The following UBASH3A variants were observed in gnomAD, a reference collection of about 807,000 sequenced individuals.
UBASH3A encodes the protein ubiquitin-associated and SH3 domain-containing protein A.
Under a neutral mutation model 73.5 loss-of-function variants are expected in UBASH3A, and 63 were observed. The observed-to-expected ratio is 0.86, with a 90% confidence interval of 0.70 to 1.06. The LOEUF (loss-of-function observed/expected upper bound fraction) is 1.06, where lower values mean the gene tolerates loss of function less well. UBASH3A is among the 50% of genes least tolerant of loss of function. UBASH3A has a pLI of 0.00. For synonymous variants in UBASH3A, 363 were observed against 351.1 expected (o/e 1.03, Z -0.38); for missense variants, 860 against 859.0 (o/e 1.00, Z -0.02).
intron 2 of UBASH3A, among the ~76,000 whole-genome samples, chr21:42,407,607 C>A (rs925421050): frequency 2.0e-5 from 3 of 152,198 alleles, no homozygotes; most frequent in Non-Finnish European, 2.9e-5. Flanking sequence ...ATTAAGATAT[C>A]ATTAGAGCAA....
Position 42,425,481 on chromosome 21 carries a change from CA to C in UBASH3A, c.1047-1215del, listed in dbSNP as rs527316236. On this transcript the variant is annotated intron_variant, in intron 7 of 14. Coordinates refer to ENST00000319294, the MANE Select transcript of UBASH3A (RefSeq NM_018961.4). The stretch of plus-strand genomic sequence containing the variant: ...TAATGTGGGGCTATGAATTGTGCCT[CA>C]CTGCTCTGAGCATGTTAATTTGAAG... 3.3e-4 allele frequency among the ~76,000 whole-genome samples: 51 copies of C among 152,322 alleles called. No individual in the cohort carries two copies. In the East Asian group the frequency reaches 9.6e-3, roughly 29 times the overall value.
At chr21:42,443,440 G>A in intron 13 of UBASH3A, 22 bp downstream of exon 13, 3 of 1,580,992 alleles carry the variant, frequency 1.9e-6, no homozygotes, top group Middle Eastern at 1.7e-4. Context: ...ACCATCCTCA[G>A]TATGAACAGC....
intron 7 of UBASH3A, among the ~76,000 whole-genome samples, chr21:42,418,865 T>C (rs2053276639): frequency 6.6e-6 from 1 of 152,218 alleles, no homozygotes; most frequent in African/African-American, 2.4e-5. Context: ...TACTGCAAAA[T>C]ACTACTTCTT....
intron 7 of UBASH3A, among the ~76,000 whole-genome samples, chr21:42,419,739 C>T (rs541050282): frequency 2.6e-5 from 4 of 152,294 alleles, no homozygotes; most frequent in South Asian, 2.1e-4. Flanking sequence ...CATAATGTTA[C>T]GAAAGTGATA....
chr21:42,410,337 T>C lies in UBASH3A; in HGVS notation c.354+729T>C, dbSNP rs573721100. The C allele has an allele frequency of 3.0e-4, 178 of 593,636 alleles. 1 individual carries two copies. The highest frequency in any genetic ancestry group is 2.9e-3 in the African/African-American group (154 of 53,830). 36.8% of individuals were successfully genotyped at this position (593,636 alleles called of 1,614,324 possible). On this transcript the variant is annotated intron_variant, in intron 3 of 14. Transcript: ENST00000319294. Reference sequence around the variant, plus strand: ...CACACCCACTTCTGCTACCGCGGCCTGGCCCCAACTCTGCTGTTGGCAAAC... The same window carrying C: ...CACACCCACTTCTGCTACCGCGGCCCGGCCCCAACTCTGCTGTTGGCAAAC...
rs574100492 is a variant in UBASH3A, at chr21:42,413,917, G to A, written c.667+394G>A. On this transcript the variant is annotated intron_variant, in intron 5 of 14. Coordinates refer to ENST00000319294, the MANE Select transcript of UBASH3A (RefSeq NM_018961.4). The surrounding 1 kb of genome is among the most constrained non-coding windows in gnomAD (Gnocchi z 4.5). ...AGACCAAGGCTACCATTGGGGTTTA[G>A]TGGAAAGGATTGTGGACTTGACGTC... Among the ~76,000 whole-genome samples the A allele has an allele frequency of 6.6e-6, 1 of 152,356 alleles. No homozygotes were observed. The highest frequency in any genetic ancestry group is 2.1e-4 in the South Asian group (1 of 4,830).
intron 2 of UBASH3A, among the ~76,000 whole-genome samples, chr21:42,408,838 G>T (rs1218626851): frequency 6.8e-6 from 1 of 148,114 alleles, no homozygotes; most frequent in East Asian, 2.0e-4. Flanking sequence ...AGCTGAGATT[G>T]TGCCACTGCA....
In UBASH3A at chr21:42,447,368, T is replaced by C; in HGVS notation, c.*174T>C. On this transcript the variant is annotated 3_prime_UTR_variant, in exon 15 of 15. Coordinates refer to ENST00000319294, the MANE Select transcript of UBASH3A (RefSeq NM_018961.4). ...TCCCTCCGGCTTTCGCCTTTGTAACTCCCATCTGTGGACCCATCGTCCACC... is the reference window on the plus strand; with the variant it reads ...TCCCTCCGGCTTTCGCCTTTGTAACCCCCATCTGTGGACCCATCGTCCACC... 4.3e-6 allele frequency: 3 copies of C among 699,786 alleles called. No homozygotes were observed. The highest frequency in any genetic ancestry group is 6.8e-6 in the Non-Finnish European group (3 of 442,554). 43.3% of individuals were successfully genotyped at this position (699,786 alleles called of 1,614,324 possible).
At chr21:42,419,664 C>T (rs1253177466) in intron 7 of UBASH3A, among the ~76,000 whole-genome samples, 3 of 152,150 alleles carry the variant, frequency 2.0e-5, no homozygotes, top group African/African-American at 7.2e-5. Context: ...CTGCCAAGTC[C>T]CAAAGTTGTT....
rs2053787308 is a variant in UBASH3A at position 42,443,406 on chromosome 21, T to G, written c.1726T>G (p.Cys576Gly). 1 of 1,610,016 alleles carries G rather than the reference T, an allele frequency of 6.2e-7. No individual in the cohort carries two copies. The highest frequency in any genetic ancestry group is 1.3e-5 in the African/African-American group (1 of 74,762). Residue 576 changes from cysteine to glycine, a missense_variant, in exon 13 of 15, where the codon TGT becomes GGT. Coordinates refer to ENST00000319294, the MANE Select transcript of UBASH3A (RefSeq NM_018961.4). ...GAGCATGGTGCAAATCGTCAACACC[T>G]GTCCACAGGACAGTAAGTGCCTCAC... ...TASMVQIVNT[C>G]PQDTGVILIV...
intron 8 of UBASH3A, among the ~76,000 whole-genome samples, chr21:42,430,088 T>C (rs1023179705): frequency 3.3e-5 from 5 of 152,042 alleles, no homozygotes; most frequent in African/African-American, 7.2e-5. Flanking sequence ...ACCCCGAGAA[T>C]GCTTTCAAGG....
chr21:42,444,042 C>T (rs1279454651), intron 13 of UBASH3A, among the ~76,000 whole-genome samples: 1 of 152,224 alleles, frequency 6.6e-6, no homozygotes, highest in African/African-American at 2.4e-5. Context: ...ATGAAGCATG[C>T]ACAGAAGCGC....
chr21:42,418,669 C>A, intron 7 of UBASH3A, 60 bp downstream of exon 7: 1 of 1,478,282 alleles, frequency 6.8e-7, no homozygotes, highest in Non-Finnish European at 9.3e-7. Flanking sequence ...TGTGAGAGTG[C>A]CCACCTGCCA....
At chr21:42,416,211 A>G (rs2053202993) in intron 5 of UBASH3A, among the ~76,000 whole-genome samples, 1 of 152,090 alleles carries the variant, frequency 6.6e-6, no homozygotes, top group Non-Finnish European at 1.5e-5. Context: ...TAGCCTGCAA[A>G]CCGATAGGCC....
intron 5 of UBASH3A, among the ~76,000 whole-genome samples, chr21:42,415,596 C>T (rs991981125): frequency 2.6e-5 from 4 of 152,188 alleles, no homozygotes; most frequent in Admixed American, 2.0e-4. Flanking sequence ...TGCACCGACA[C>T]GGCGTCTCTA....
Position 42,438,944 on chromosome 21 carries a change from A to C in UBASH3A, c.1486+1364A>C, listed in dbSNP as rs369082062. On this transcript the variant is annotated intron_variant, in intron 11 of 14. Coordinates refer to ENST00000319294, the MANE Select transcript of UBASH3A (RefSeq NM_018961.4). ...CTTGCTGGGACTTGCACATGGGGCC[A>C]CATCAGAGCCGGGGCCACGAGGGGC... 1.4e-3 allele frequency among the ~76,000 whole-genome samples: 220 copies of C among 152,182 alleles called. 1 individual carries two copies. Among genetic ancestry groups the C allele is most frequent in the South Asian group, 4.4e-3 (21 of 4,824 alleles).
chr21:42,434,336 G>A (rs1322665916), intron 9 of UBASH3A, among the ~76,000 whole-genome samples: 3 of 99,818 alleles, frequency 3.0e-5, no homozygotes, highest in Non-Finnish European at 6.7e-5. Flanking sequence ...GTGGGAGACA[G>A]TCCCAGTGAG....
Position 42,443,437 on chromosome 21 carries a change from T to C in UBASH3A, c.1738+19T>C. ...CAGGACAGTAAGTGCCTCACCATCC[T>C]CAGTATGAACAGCCCCTGGGGCTTG... On this transcript the variant is annotated intron_variant, in intron 13 of 14. Coordinates refer to ENST00000319294, the MANE Select transcript of UBASH3A (RefSeq NM_018961.4). 2 of 1,586,434 alleles carry C rather than the reference T, an allele frequency of 1.3e-6. No individual in the cohort carries two copies. Among genetic ancestry groups the C allele is most frequent in the Non-Finnish European group, 1.7e-6 (2 of 1,165,716 alleles).
chr21:42,406,854 C>T (rs1384384960), intron 2 of UBASH3A, among the ~76,000 whole-genome samples: 1 of 152,180 alleles, frequency 6.6e-6, no homozygotes. Flanking sequence ...TCCTCAACTG[C>T]CTACTACGAT....
Sources: allele counts gnomAD v4.1 joint callset (sites outside exome capture counted in the v4.1 genomes callset), GRCh38; gene constraint gnomAD v4.1.1; non-coding constraint Gnocchi (gnomAD v3.1); transcripts MANE v1.5; gene names NCBI Gene and HGNC (gene_info 2026-07-23, HGNC 2026-07-21).